SEMA3A: variants seen among roughly 807,000 people sequenced by gnomAD.
SEMA3A encodes semaphorin-3A.
Under a neutral mutation model 97.9 loss-of-function variants are expected in SEMA3A, and 29 were observed. The ratio of observed to expected loss-of-function variants is 0.30; its 90% CI spans 0.22 to 0.40. The LOEUF (loss-of-function observed/expected upper bound fraction) is 0.40. Among genes scored for constraint, SEMA3A ranks in the 10% least tolerant of loss-of-function variants. The probability of loss-of-function intolerance (pLI) is 1.00; values close to 1 mark genes in which losing one functional copy is unlikely to be tolerated. For missense variants in SEMA3A, 763 were observed against 951.3 expected (o/e 0.80, Z 2.60); for synonymous variants, 321 against 323.7 (o/e 0.99, Z 0.09).
At chr7:84,102,335 T>C (rs997516254) in intron 4 of SEMA3A, among the ~76,000 whole-genome samples, 1 of 152,182 alleles carries the variant, frequency 6.6e-6, no homozygotes, top group African/African-American at 2.4e-5. Context: ...ATGTTTCTAT[T>C]GTGAAATATG....
chr7:83,981,404 C>T lies in SEMA3A; in HGVS notation c.1569G>A (p.Ala523=), dbSNP rs770224463. The T allele has an allele frequency of 1.2e-5, 19 of 1,613,902 alleles. No individual in the cohort carries two copies. Among genetic ancestry groups the T allele is most frequent in the Middle Eastern group, 1.7e-4 (1 of 6,060 alleles). The change falls in exon 14 of 17, where the codon GCG becomes GCA. Residue 523 remains alanine, a synonymous_variant. Coordinates refer to ENST00000265362, the MANE Select transcript of SEMA3A (RefSeq NM_006080.3). Reference sequence around the variant, plus strand: ...CTCGGGCGAGGCAACACTCAGCACACGCTTTCCCGTAAATATCACACCGGT... The same window carrying T: ...CTCGGGCGAGGCAACACTCAGCACATGCTTTCCCGTAAATATCACACCGGT... ...PLHRCDIYGK[A]CAECCLARDP... is the part of the protein sequence containing the mutation.
chr7:84,123,608 T>C (rs1371894949), intron 3 of SEMA3A, among the ~76,000 whole-genome samples: 2 of 150,664 alleles, frequency 1.3e-5, no homozygotes, highest in Non-Finnish European at 3.0e-5. Context: ...TGTACATGCA[T>C]GCGCAGGCAC....
chr7:84,357,060 A>T (rs1802577900), intron 2 of SEMA3A, among the ~76,000 whole-genome samples: 1 of 151,628 alleles, frequency 6.6e-6, no homozygotes, highest in East Asian at 1.9e-4. Context: ...ACACTAAATA[A>T]GTTGGCACAT....
At chr7:84,062,302 A>G (rs748029669) in intron 4 of SEMA3A, among the ~76,000 whole-genome samples, 2 of 152,184 alleles carry the variant, frequency 1.3e-5, no homozygotes, top group African/African-American at 4.8e-5. Flanking sequence ...TATCATAGGC[A>G]TTTAAATATT....
At chr7:84,236,856 T>C (rs1431548614) in intron 3 of SEMA3A, among the ~76,000 whole-genome samples, 2 of 152,090 alleles carry the variant, frequency 1.3e-5, no homozygotes, top group Non-Finnish European at 1.5e-5. Context: ...GTTAATTCTA[T>C]ATGTGAGTCA....
chr7:84,183,223 G>A (rs1027796262), intron 1 of SEMA3A, among the ~76,000 whole-genome samples: 7 of 152,200 alleles, frequency 4.6e-5, no homozygotes, highest in Admixed American at 4.6e-4. Flanking sequence ...AAAATACCAT[G>A]CTGCAGTCCT....
chr7:84,323,156 CAAT>C (rs1411824624), intron 2 of SEMA3A, among the ~76,000 whole-genome samples: 1 of 152,144 alleles, frequency 6.6e-6, no homozygotes, highest in East Asian at 1.9e-4. Context: ...GTATTAACAA[CAAT>C]GCTTTCTTTA....
intron 3 of SEMA3A, among the ~76,000 whole-genome samples, chr7:84,217,233 A>T (rs949872995): frequency 6.6e-6 from 1 of 152,220 alleles, no homozygotes; most frequent in Admixed American, 6.5e-5. Flanking sequence ...TGTTTCAAGC[A>T]AAAATTAATT....
At chr7:84,332,882 C>T (rs1442704743) in intron 2 of SEMA3A, among the ~76,000 whole-genome samples, 1 of 151,966 alleles carries the variant, frequency 6.6e-6, no homozygotes, top group East Asian at 1.9e-4. Context: ...TACATATTAT[C>T]AAGGTAATGA....
chr7:84,476,996 T>C lies in SEMA3A; in HGVS notation c.-246+15464A>G, dbSNP rs141724841. 5.1e-3 allele frequency among the ~76,000 whole-genome samples: 778 copies of C among 151,310 alleles called. 5 individuals carry two copies. The highest frequency in any genetic ancestry group is 8.0e-3 in the Admixed American group (122 of 15,222). On this transcript the variant is annotated intron_variant, in intron 1 of 3. Coordinates refer to the SEMA3A transcript ENST00000424555. ...ACTTGTGCTAAAGGAAAGAGACTTA[T>C]CTTACTTCTAGTTGTTCCTCTGTAG... is the stretch of plus-strand genomic sequence containing the variant.
At chr7:84,349,176 A>C (rs1221586495) in intron 2 of SEMA3A, among the ~76,000 whole-genome samples, 1 of 151,986 alleles carries the variant, frequency 6.6e-6, no homozygotes, top group Non-Finnish European at 1.5e-5. Context: ...TTTTGTCTGA[A>C]AATCTATTAA....
intron 4 of SEMA3A, among the ~76,000 whole-genome samples, chr7:84,070,806 T>G (rs1407229070): frequency 6.6e-6 from 1 of 152,048 alleles, no homozygotes; most frequent in Non-Finnish European, 1.5e-5. Context: ...GCCCCCAGCC[T>G]GAGGGTGACC....
chr7:84,174,826 TAG>T (rs1390586181), intron 1 of SEMA3A, among the ~76,000 whole-genome samples: 1 of 152,216 alleles, frequency 6.6e-6, no homozygotes, highest in African/African-American at 2.4e-5. Context: ...CAGAAGATTT[TAG>T]GTGTTGTTCT....
chr7:84,343,656 A>AC (rs1802225632), intron 2 of SEMA3A, among the ~76,000 whole-genome samples: 4 of 152,148 alleles, frequency 2.6e-5, no homozygotes, highest in Non-Finnish European at 4.4e-5. Flanking sequence ...AGATGTCAAT[A>AC]TAAAATTAGC....
At chr7:84,093,825 A>G (rs1794665244) in intron 4 of SEMA3A, among the ~76,000 whole-genome samples, 1 of 152,036 alleles carries the variant, frequency 6.6e-6, no homozygotes, top group African/African-American at 2.4e-5. Context: ...CAGGAAAAAT[A>G]GCGAAGGCAT....
chr7:84,071,614 C>T (rs1291490241), intron 4 of SEMA3A, among the ~76,000 whole-genome samples: 2 of 152,040 alleles, frequency 1.3e-5, no homozygotes, highest in South Asian at 4.1e-4. Flanking sequence ...ATGCACAGTA[C>T]ATTAAATGTC....
intron 12 of SEMA3A, among the ~76,000 whole-genome samples, chr7:83,992,396 T>C (rs2116354619): frequency 7.0e-6 from 1 of 143,134 alleles, no homozygotes; most frequent in South Asian, 2.3e-4. Context: ...TTCTAGTTCT[T>C]TTAATTGTGA....
chr7:84,488,315 T>TACACACACACAC lies in SEMA3A; in HGVS notation c.-246+4144_-246+4145insGTGTGTGTGTGT, dbSNP rs1408597815. Among the ~76,000 whole-genome samples the TACACACACACAC allele has an allele frequency of 2.9e-3, 274 of 94,266 alleles. 1 individual carries two copies. The highest frequency in any genetic ancestry group is 0.011 in the African/African-American group (255 of 22,186). The allele number at this position is 94,266 out of a possible 152,430, so 61.8% of individuals were successfully genotyped here. A position where few individuals can be genotyped will look rare whatever the true frequency, so the allele number is the denominator to read the frequency against. On this transcript the variant is annotated intron_variant, in intron 1 of 3. Transcript: ENST00000424555. Reference sequence around the variant, plus strand: ...TGTTTTCCAGCTATGTTTCTTCGTATATACACACACACACACACACACACA... The same window carrying TACACACACACAC: ...TGTTTTCCAGCTATGTTTCTTCGTATACACACACACACATACACACACACACACACACACACA...
At chr7:84,457,656 A>G (rs565064443) in intron 1 of SEMA3A, among the ~76,000 whole-genome samples, 2 of 152,008 alleles carry the variant, frequency 1.3e-5, no homozygotes, top group Non-Finnish European at 2.9e-5. Context: ...CAACTGTTAC[A>G]TTTACTGAAT....
Sources: gnomAD v4.1 joint callset for allele counts (sites outside exome capture counted in the v4.1 genomes callset) on GRCh38, gnomAD v4.1.1 for gene constraint, MANE v1.5 for transcripts, NCBI Gene and HGNC (gene_info 2026-07-23, HGNC 2026-07-21) for gene names.